MYH13: variants seen among roughly 807,000 people sequenced by gnomAD.
MYH13 encodes the protein myosin heavy chain 13, also known as myosin-13.
Under a neutral mutation model 232.1 loss-of-function variants are expected in MYH13, and 177 were observed. That is an observed-to-expected ratio of 0.76 (90% CI 0.67 to 0.86). The LOEUF (loss-of-function observed/expected upper bound fraction) is 0.86. MYH13 is among the 40% of genes least tolerant of loss of function. The pLI is 0.00. For missense variants in MYH13, 2,246 were observed against 2,405.9 expected, an observed-to-expected ratio of 0.93 and a Z score of 1.39; for synonymous variants, 884 against 923.5, an observed-to-expected ratio of 0.96 and a Z score of 0.78.
intron 3 of MYH13, among the ~76,000 whole-genome samples, chr17:10,363,160 G>C (rs2071806647): frequency 6.6e-6 from 1 of 151,364 alleles, no homozygotes; most frequent in Admixed American, 6.6e-5. Flanking sequence ...AGCTGGCTCT[G>C]CACTCCATGG....
Position 10,350,704 on chromosome 17 carries a change from A to G in MYH13, c.1006-10T>C. ...GGATGTCAATGGCATTCTGGAAAGA[A>G]AAAAAGGACAACTGTCATAGCAGGA... On this transcript the variant is annotated splice_polypyrimidine_tract_variant and intron_variant, in intron 11 of 40. Transcript: ENST00000252172. The G allele has an allele frequency of 6.2e-7, 1 of 1,613,760 alleles. No individual in the cohort carries two copies. The highest frequency in any genetic ancestry group is 8.5e-7 in the Non-Finnish European group (1 of 1,179,866).
In MYH13 at chr17:10,354,952, C is replaced by CAA. The variant is rs1331918232; in HGVS notation, c.843_844insTT (p.Glu282LeufsTer19). The CAA allele has an allele frequency of 2.5e-6, 4 of 1,609,090 alleles. No homozygotes were observed. Among genetic ancestry groups the CAA allele is most frequent in the Non-Finnish European group, 3.4e-6 (4 of 1,175,572 alleles). On this transcript the variant is annotated frameshift_variant, in exon 10 of 41. Coordinates refer to ENST00000252172, the MANE Select transcript of MYH13 (RefSeq NM_003802.3). LOFTEE classifies it high-confidence loss of function. ...TGGTAGAAAATATGATAGCTTCTCTCACTGGATAATTGAAACGTCACTCTG... is the reference window on the plus strand; with the variant it reads ...TGGTAGAAAATATGATAGCTTCTCTCAAACTGGATAATTGAAACGTCACTCTG...
chr17:10,340,791 T>A (rs2320793), intron 16 of MYH13, among the ~76,000 whole-genome samples: 6 of 151,876 alleles, frequency 4.0e-5, no homozygotes, highest in African/African-American at 1.2e-4. Flanking sequence ...ATGAGCCACC[T>A]TGCCTGGCCT....
rs370603078 is a variant in MYH13 at position 10,362,168 on chromosome 17, G to A, written c.455C>T (p.Pro152Leu). 118 of 1,613,902 alleles carry A rather than the reference G, an allele frequency of 7.3e-5. No individual in the cohort carries two copies. In the East Asian group the frequency reaches 1.0e-3, roughly 14 times the overall value. The part of the protein sequence containing the change: ...AYRGKKRQEA[P>L]PHIFSISDNA... ...GTCAGAGATGGAGAAGATGTGGGGC[G>A]GGGCCTCCTGGCGCTTTTTGCCTCT... The change falls in exon 5 of 41, where the codon CCG (proline) becomes CTG (leucine). Residue 152 changes from proline (P) to leucine (L), a missense_variant. By Grantham distance (98) the Pro-to-Leu change is moderately conservative. Coordinates refer to ENST00000252172, the MANE Select transcript of MYH13 (RefSeq NM_003802.3).
At chr17:10,324,357 C>A in intron 22 of MYH13, 93 bp from the exon 23 acceptor site, 2 of 1,494,996 alleles carry the variant, frequency 1.3e-6, no homozygotes, top group African/African-American at 1.4e-5. Context: ...TTATCTACAC[C>A]TAAGCCAAGA....
intron 24 of MYH13, among the ~76,000 whole-genome samples, chr17:10,321,021 A>G (rs1233536381): frequency 6.6e-6 from 1 of 152,234 alleles, no homozygotes; most frequent in African/African-American, 2.4e-5. Flanking sequence ...AAAGTTATCT[A>G]GAAAATCTCT....
At chr17:10,338,711 T>C (rs2071596008) in intron 18 of MYH13, among the ~76,000 whole-genome samples, 2 of 147,916 alleles carry the variant, frequency 1.4e-5, no homozygotes, top group African/African-American at 4.9e-5. Context: ...TTTTTGTTTG[T>C]TTTTTTTGAG....
chr17:10,348,079 T>G (rs1442715400), intron 12 of MYH13, among the ~76,000 whole-genome samples: 2 of 152,186 alleles, frequency 1.3e-5, no homozygotes, highest in Non-Finnish European at 2.9e-5. Context: ...AATAAAAATC[T>G]AGGGCAGTCT....
intron 32 of MYH13, among the ~76,000 whole-genome samples, 165 bp from the exon 33 acceptor site, chr17:10,311,392 C>T (rs1475896184): frequency 6.6e-6 from 1 of 152,150 alleles, no homozygotes; most frequent in Non-Finnish European, 1.5e-5. Context: ...GATGTGTTGC[C>T]TCACCTGCAC....
rs1359605749 is a variant in MYH13 at position 10,321,832 on chromosome 17, A to G, written c.2935-124T>C. On this transcript the variant is annotated intron_variant, in intron 23 of 40. Coordinates refer to ENST00000252172, the MANE Select transcript of MYH13 (RefSeq NM_003802.3). ...TTTTCTTTTTGGCTACTACTTTTTTACCTCCTAGAATTGACAGACTCTCAG... is the reference window on the plus strand; with the variant it reads ...TTTTCTTTTTGGCTACTACTTTTTTGCCTCCTAGAATTGACAGACTCTCAG... The G allele has an allele frequency of 8.8e-6, 7 of 794,448 alleles. No homozygotes were observed. The Admixed American group carries it at 1.8e-4, about 21-fold the overall frequency. The allele number at this position is 794,448 out of a possible 1,614,324, so 49.2% of individuals were successfully genotyped here.
chr17:10,323,614 C>G (rs574378823), intron 23 of MYH13, among the ~76,000 whole-genome samples: 1 of 151,676 alleles, frequency 6.6e-6, no homozygotes, highest in Non-Finnish European at 1.5e-5. Flanking sequence ...AAAAAATTAG[C>G]TGGGCATGGT....
chr17:10,323,070 C>T lies in MYH13; in HGVS notation c.2934+952G>A, dbSNP rs529545428. ...CTACATTTTAGTTCTCCGTTTTCCC[C>T]GTGGTGGACCCTGGCACTGCCTCCA... On this transcript the variant is annotated intron_variant, in intron 23 of 40. Transcript: ENST00000252172. 3.9e-5 allele frequency among the ~76,000 whole-genome samples: 6 copies of T among 152,242 alleles called. No homozygotes were observed. In the South Asian group the frequency reaches 1.0e-3, roughly 26 times the overall value.
chr17:10,301,848 CGT>C, intron 39 of MYH13, 145 bp from the exon 40 acceptor site: 1 of 1,128,434 alleles, frequency 8.9e-7, no homozygotes, highest in Non-Finnish European at 1.2e-6. Context: ...CTTTCTCCAG[CGT>C]GTGAGGACAA....
intron 35 of MYH13, 148 bp from the exon 36 acceptor site, chr17:10,307,212 CATT>C: frequency 1.5e-5 from 15 of 971,190 alleles, no homozygotes; most frequent in South Asian, 7.9e-5. Flanking sequence ...CAGTACTGTA[CATT>C]CTTTCTTTAT....
chr17:10,317,946 A>AT (rs1906775639), intron 27 of MYH13: 1 of 152,294 alleles, frequency 6.6e-6, no homozygotes, highest in South Asian at 2.1e-4. Flanking sequence ...CTTTTTTCTT[A>AT]AAGAGCCCCA....
intron 32 of MYH13, 125 bp from the exon 33 acceptor site, chr17:10,311,352 G>A: frequency 8.2e-7 from 1 of 1,224,636 alleles, no homozygotes; most frequent in Middle Eastern, 2.0e-4. Context: ...ATACAGGGCA[G>A]CCGTTCAGAT....
In MYH13 at chr17:10,304,084, A is replaced by G. The variant is rs889165397; in HGVS notation, c.5467-586T>C. On this transcript the variant is annotated intron_variant, in intron 37 of 40. Transcript: ENST00000252172. The surrounding 1 kb of genome is among the most constrained non-coding windows in gnomAD (Gnocchi z 5.3). ...TTGAACAATGAGAACACATGGTCAC[A>G]GTAAAGGGAAGATCATACACTGGGA... Among the ~76,000 whole-genome samples the G allele has an allele frequency of 5.9e-5, 9 of 152,204 alleles. No homozygotes were observed. Among genetic ancestry groups the G allele is most frequent in the Admixed American group, 5.9e-4 (9 of 15,284 alleles).
Position 10,329,556 on chromosome 17 carries a change from C to T in MYH13, c.2435+831G>A, listed in dbSNP as rs145818181. Among the ~76,000 whole-genome samples the T allele has an allele frequency of 3.3e-4, 51 of 152,288 alleles. No individual in the cohort carries two copies. In the East Asian group the frequency reaches 6.8e-3, roughly 20 times the overall value. On this transcript the variant is annotated intron_variant, in intron 21 of 40. Coordinates refer to ENST00000252172, the MANE Select transcript of MYH13 (RefSeq NM_003802.3). ...GCTCTCCATCAATGACAGGGTGCAG[C>T]CTGGGTTTCTGAATGTGACACATAG...
At chr17:10,360,122 G>A (rs1325046990) in intron 6 of MYH13, 39 bp downstream of exon 6, 1 of 1,614,044 alleles carries the variant, frequency 6.2e-7, no homozygotes, top group East Asian at 2.2e-5. Flanking sequence ...GGAGGGCACT[G>A]GTTTCCAAGT....
Sources: allele counts gnomAD v4.1 joint callset (sites outside exome capture counted in the v4.1 genomes callset), GRCh38; gene constraint gnomAD v4.1.1; non-coding constraint Gnocchi (gnomAD v3.1); transcripts MANE v1.5; gene names NCBI Gene and HGNC (gene_info 2026-07-23, HGNC 2026-07-21).